NBAS: variants seen among roughly 807,000 people sequenced by gnomAD.
The protein encoded by NBAS is NBAS subunit of NRZ tethering complex.
NBAS carries 219 observed loss-of-function variants against 302.5 expected under a neutral mutation model. The observed-to-expected ratio is 0.72, with a 90% confidence interval of 0.65 to 0.81. The LOEUF (loss-of-function observed/expected upper bound fraction) is 0.81. NBAS is among the 30% of genes least tolerant of loss of function. The pLI is 0.00. For synonymous variants in NBAS, 1,118 were observed against 1,021.6 expected, an observed-to-expected ratio of 1.09 and a Z score of -1.80; for missense variants, 2,932 against 2,841.6, an observed-to-expected ratio of 1.03 and a Z score of -0.72.
At chr2:15,404,308 G>GA (rs1218922575) in intron 25 of NBAS, among the ~76,000 whole-genome samples, 2 of 151,962 alleles carry the variant, frequency 1.3e-5, no homozygotes, top group Non-Finnish European at 2.9e-5. Flanking sequence ...AAGAATGAAA[G>GA]AAATTGAGAG....
intron 23 of NBAS, among the ~76,000 whole-genome samples, chr2:15,419,463 TG>T (rs1445778698): frequency 1.1e-4 from 17 of 151,836 alleles, no homozygotes; most frequent in African/African-American, 4.1e-4. Flanking sequence ...CAGGTTGGAG[TG>T]GAGTGGGTTA....
intron 19 of NBAS, among the ~76,000 whole-genome samples, chr2:15,464,291 C>T (rs1226204214): frequency 3.3e-5 from 5 of 152,154 alleles, no homozygotes; most frequent in African/African-American, 1.2e-4. Flanking sequence ...CACTATTTCT[C>T]AGCCCCTATT....
chr2:15,153,017 A>T, the NBAS span, among the ~76,000 whole-genome samples: 1 of 152,210 alleles, frequency 6.6e-6, no homozygotes, highest in African/African-American at 2.4e-5. Context: ...GTGAAAGAAC[A>T]TTTTTTAGGC....
the NBAS span, among the ~76,000 whole-genome samples, chr2:14,800,799 T>TTTTC: frequency 6.6e-6 from 1 of 151,360 alleles, no homozygotes; most frequent in African/African-American, 2.4e-5. Context: ...TTGTTTTTTT[T>TTTTC]TTTTTAGGCA....
the NBAS span, among the ~76,000 whole-genome samples, chr2:15,026,775 T>C: frequency 6.6e-6 from 1 of 152,192 alleles, no homozygotes; most frequent in Non-Finnish European, 1.5e-5. Flanking sequence ...TTTGCTGCAT[T>C]TAACTCTTTA....
the NBAS span, among the ~76,000 whole-genome samples, chr2:14,846,013 G>A: frequency 6.6e-6 from 1 of 152,108 alleles, no homozygotes; most frequent in Non-Finnish European, 1.5e-5. Flanking sequence ...AACACAGAAT[G>A]TCCCAAACCT....
chr2:15,229,964 T>G (rs941231974), intron 47 of NBAS, among the ~76,000 whole-genome samples: 1 of 152,132 alleles, frequency 6.6e-6, no homozygotes, highest in Admixed American at 6.5e-5. Context: ...CAAAAGCATG[T>G]AATGTGCTTT....
In NBAS at chr2:15,358,409, C is replaced by T. The variant is rs560760933; in HGVS notation, c.3818-1993G>A. On this transcript the variant is annotated intron_variant, in intron 32 of 51. Transcript: ENST00000281513. Reference sequence around the variant, plus strand: ...GTGTGTGTGTGTATGTGTGTGTGTGCGCACACATGTGTGCATGTGCGCGTG... The same window carrying T: ...GTGTGTGTGTGTATGTGTGTGTGTGTGCACACATGTGTGCATGTGCGCGTG... 6.2e-4 allele frequency among the ~76,000 whole-genome samples: 94 copies of T among 151,766 alleles called. No individual in the cohort carries two copies. In the East Asian group the frequency reaches 0.01, roughly 16 times the overall value.
At chr2:15,147,951 G>C in the NBAS span, among the ~76,000 whole-genome samples, 1 of 152,212 alleles carries the variant, frequency 6.6e-6, no homozygotes, top group East Asian at 1.9e-4. Context: ...GACTGCAAAC[G>C]TTCAACTGGA....
the NBAS span, among the ~76,000 whole-genome samples, chr2:15,147,758 C>T: frequency 1.3e-5 from 2 of 152,002 alleles, no homozygotes; most frequent in African/African-American, 2.4e-5. Context: ...CTCTCATTTA[C>T]GTAGCCTGCA....
the NBAS span, among the ~76,000 whole-genome samples, chr2:15,023,592 TTTA>T: frequency 7.2e-6 from 1 of 139,860 alleles, no homozygotes; most frequent in East Asian, 2.0e-4. Flanking sequence ...AGCTATCAGT[TTTA>T]TGTTTCTCTT....
chr2:15,170,234 A>C (rs568952845), intron 51 of NBAS, among the ~76,000 whole-genome samples: 68 of 152,098 alleles, frequency 4.5e-4, no homozygotes, highest in Non-Finnish European at 7.5e-4. Context: ...TTCCCTTCAT[A>C]GTTTGTGTTT....
chr2:15,437,043 C>T (rs1220276479), intron 21 of NBAS, among the ~76,000 whole-genome samples: 1 of 152,150 alleles, frequency 6.6e-6, no homozygotes, highest in African/African-American at 2.4e-5. Flanking sequence ...ACATGTACAG[C>T]AGATTTTTTT....
chr2:15,459,572 T>C (rs909212133), intron 21 of NBAS, among the ~76,000 whole-genome samples: 3 of 151,052 alleles, frequency 2.0e-5, no homozygotes, highest in African/African-American at 4.9e-5. Flanking sequence ...CTCTGTCTCC[T>C]GGGTTCACGC....
At chr2:15,457,889 T>G (rs1164061986) in intron 21 of NBAS, among the ~76,000 whole-genome samples, 3 of 152,210 alleles carry the variant, frequency 2.0e-5, no homozygotes, top group Non-Finnish European at 1.5e-5. Flanking sequence ...TAACGATGGG[T>G]TGAAACAGCA....
the NBAS span, among the ~76,000 whole-genome samples, chr2:14,999,824 C>T: frequency 6.6e-6 from 1 of 152,166 alleles, no homozygotes; most frequent in Non-Finnish European, 1.5e-5. Flanking sequence ...ATTTATATCT[C>T]ATTTGCAATA....
chr2:14,833,988 C>T, the NBAS span, among the ~76,000 whole-genome samples: 1 of 152,106 alleles, frequency 6.6e-6, no homozygotes, highest in African/African-American at 2.4e-5. Context: ...CAGTGAATTA[C>T]TACAGAATTC....
chr2:14,905,282 G>A, the NBAS span, among the ~76,000 whole-genome samples: 344 of 152,302 alleles, frequency 2.3e-3, 2 homozygotes, highest in Non-Finnish European at 3.1e-3. Context: ...ATCACTGTGC[G>A]CAACCTATTA....
chr2:14,882,690 A>G, the NBAS span, among the ~76,000 whole-genome samples: 5 of 152,236 alleles, frequency 3.3e-5, no homozygotes, highest in Non-Finnish European at 7.3e-5. Context: ...ATCGAGCATC[A>G]TGGCCTAAAT....
Sources: gnomAD v4.1 joint callset for allele counts (sites outside exome capture counted in the v4.1 genomes callset) on GRCh38, gnomAD v4.1.1 for gene constraint, MANE v1.5 for transcripts, NCBI Gene and HGNC (gene_info 2026-07-23, HGNC 2026-07-21) for gene names.